PLCB1: variants seen among roughly 807,000 people sequenced by gnomAD.
The protein encoded by PLCB1 is phospholipase C beta 1.
Under a neutral mutation model 161.8 loss-of-function variants are expected in PLCB1, and 46 were observed. That is an observed-to-expected ratio of 0.28 (90% CI 0.22 to 0.36). The LOEUF (loss-of-function observed/expected upper bound fraction) is 0.36, where lower values mean the gene tolerates loss of function less well. PLCB1 is among the 10% of genes least tolerant of loss of function. The probability of loss-of-function intolerance (pLI) is 1.00; values close to 1 mark genes in which losing one functional copy is unlikely to be tolerated. For missense variants in PLCB1, 1,016 were observed against 1,472.5 expected, an observed-to-expected ratio of 0.69 and a Z score of 5.07; for synonymous variants, 517 against 503.7, an observed-to-expected ratio of 1.03 and a Z score of -0.35.
chr20:8,296,846 C>G (rs1261552903), intron 2 of PLCB1, among the ~76,000 whole-genome samples: 1 of 152,120 alleles, frequency 6.6e-6, no homozygotes, highest in Non-Finnish European at 1.5e-5. Context: ...GTTGTAGCTT[C>G]ATGCAGACAT....
intron 31 of PLCB1, among the ~76,000 whole-genome samples, chr20:8,855,349 C>T (rs971708366): frequency 6.6e-6 from 1 of 152,080 alleles, no homozygotes; most frequent in Admixed American, 6.5e-5. Flanking sequence ...CATTCTAACT[C>T]TTTGGTCAAA....
At chr20:8,409,094 A>T (rs1978918626) in intron 3 of PLCB1, among the ~76,000 whole-genome samples, 1 of 152,148 alleles carries the variant, frequency 6.6e-6, no homozygotes. Context: ...ATCCACATTC[A>T]CTTACCATGT....
chr20:8,521,905 G>GACATA (rs1984362150), intron 3 of PLCB1, among the ~76,000 whole-genome samples: 2 of 152,182 alleles, frequency 1.3e-5, no homozygotes, highest in Non-Finnish European at 2.9e-5. Flanking sequence ...CAAAGTTCGG[G>GACATA]AGTGCAAACT....
chr20:8,784,040 G>C (rs80326801), intron 27 of PLCB1, among the ~76,000 whole-genome samples: 3,778 of 152,236 alleles, frequency 0.025, 67 homozygotes, highest in Non-Finnish European at 0.036. Flanking sequence ...GAAAACTACA[G>C]GTGTACCTCA....
chr20:8,304,981 A>C (rs545410576), intron 2 of PLCB1, among the ~76,000 whole-genome samples: 73 of 152,322 alleles, frequency 4.8e-4, no homozygotes, highest in African/African-American at 1.7e-3. Context: ...TGGGGAACTG[A>C]CATTGCTATC....
chr20:8,606,373 C>T (rs1157313625), intron 3 of PLCB1, among the ~76,000 whole-genome samples: 1 of 152,184 alleles, frequency 6.6e-6, no homozygotes, highest in African/African-American at 2.4e-5. Flanking sequence ...GTTATTTAAC[C>T]TCTCTGTGCC....
rs1989211414 is a variant in PLCB1 at position 8,647,944 on chromosome 20, C to T, written c.509C>T (p.Pro170Leu). ...CAAGTCACTCCAGAAGGGCGTATTC[C>T]TCTCAAAAAGTAAGCTTTGTGAGCA... ...KLQVTPEGRI[P>L]LKNIYRLFSA... Residue 170 changes from proline to leucine, a missense_variant, in exon 6 of 32, where the codon CCT becomes CTT. This residue lies in a region of PLCB1 where 181 missense variants were observed against 236.7 expected (regional missense o/e 0.76). Coordinates refer to ENST00000338037, the MANE Select transcript of PLCB1 (RefSeq NM_015192.4). The T allele has an allele frequency of 6.4e-7, 1 of 1,566,724 alleles. No homozygotes were observed. The highest frequency in any genetic ancestry group is 8.6e-7 in the Non-Finnish European group (1 of 1,161,716).
At chr20:8,184,612 A>G (rs922537859) in intron 2 of PLCB1, among the ~76,000 whole-genome samples, 1 of 151,846 alleles carries the variant, frequency 6.6e-6, no homozygotes, top group Non-Finnish European at 1.5e-5. Flanking sequence ...ATCAGATTTT[A>G]TAAGAAACTT....
intron 3 of PLCB1, among the ~76,000 whole-genome samples, chr20:8,532,673 G>A (rs141217951): frequency 2.6e-5 from 4 of 151,988 alleles, no homozygotes; most frequent in Admixed American, 6.6e-5. Flanking sequence ...AGATAATCCC[G>A]GTTACACTTC....
At chr20:8,765,011 A>T (rs1982242085) in intron 25 of PLCB1, 128 bp from the exon 26 acceptor site, 1 of 705,854 alleles carries the variant, frequency 1.4e-6, no homozygotes, top group Non-Finnish European at 2.4e-6. Context: ...TAGAGCTGAC[A>T]TCAAGCTTTG....
At chr20:8,802,285 C>G (rs1157447382) in intron 31 of PLCB1, 15 of 605,216 alleles carry the variant, frequency 2.5e-5, no homozygotes, top group Non-Finnish European at 4.1e-5. Context: ...TCTCTACATT[C>G]CCATCTTTTT....
In PLCB1 at chr20:8,217,383, G is replaced by A. The variant is rs146687956; in HGVS notation, c.177+67012G>A. Among the ~76,000 whole-genome samples, 278 of 152,128 alleles carry A rather than the reference G, an allele frequency of 1.8e-3. 1 individual carries two copies. Among genetic ancestry groups the A allele is most frequent in the African/African-American group, 6.5e-3 (269 of 41,520 alleles). ...AGAAGAAAACTCAAGAAGAAACCAA[G>A]GGACTGAATGAAGAAGAAAGAAAAG... On this transcript the variant is annotated intron_variant, in intron 2 of 31. Transcript: ENST00000338037.
At chr20:8,700,953 G>A (rs1311054792) in intron 11 of PLCB1, among the ~76,000 whole-genome samples, 3 of 152,220 alleles carry the variant, frequency 2.0e-5, no homozygotes, top group Non-Finnish European at 4.4e-5. Flanking sequence ...AGGATGCTTT[G>A]CATCAGGACT....
chr20:8,439,386 A>G (rs935870825), intron 3 of PLCB1, among the ~76,000 whole-genome samples: 2 of 152,170 alleles, frequency 1.3e-5, no homozygotes, highest in African/African-American at 4.8e-5. Flanking sequence ...CCTTCAAAAG[A>G]TGGCAGGATG....
intron 12 of PLCB1, among the ~76,000 whole-genome samples, 164 bp downstream of exon 12, chr20:8,708,916 A>T (rs899313576): frequency 6.6e-6 from 1 of 152,260 alleles, no homozygotes; most frequent in Non-Finnish European, 1.5e-5. Context: ...TTCACTTAAA[A>T]TAATCAACAT....
At chr20:8,739,979 A>G (rs1341094775) in intron 21 of PLCB1, among the ~76,000 whole-genome samples, 2 of 152,218 alleles carry the variant, frequency 1.3e-5, no homozygotes, top group African/African-American at 2.4e-5. Context: ...AGCCTGAGCA[A>G]CAGAATGAGA....
At chr20:8,832,134 A>T (rs184142690) in intron 31 of PLCB1, among the ~76,000 whole-genome samples, 1 of 152,158 alleles carries the variant, frequency 6.6e-6, no homozygotes, top group Non-Finnish European at 1.5e-5. Context: ...TAGATATTAC[A>T]TGTCACTGGC....
At chr20:8,775,871 C>T (rs968107751) in intron 27 of PLCB1, among the ~76,000 whole-genome samples, 1 of 152,098 alleles carries the variant, frequency 6.6e-6, no homozygotes, top group Admixed American at 6.6e-5. Flanking sequence ...ATGTGAGGCT[C>T]AGGATTTACT....
chr20:8,494,781 A>G (rs985960381), intron 3 of PLCB1, among the ~76,000 whole-genome samples: 1 of 151,798 alleles, frequency 6.6e-6, no homozygotes, highest in African/African-American at 2.4e-5. Context: ...CTTCTCTACC[A>G]CTTCTAGTTT....
Sources: gnomAD v4.1 joint callset for allele counts (sites outside exome capture counted in the v4.1 genomes callset) on GRCh38, gnomAD v4.1.1 for gene constraint, gnomAD v4.1.1 regional missense constraint, MANE v1.5 for transcripts, NCBI Gene and HGNC (gene_info 2026-07-23, HGNC 2026-07-21) for gene names.